Variants in SHROOM4 observed in about 807,000 individuals in gnomAD.
The protein encoded by SHROOM4 is protein Shroom4.
SHROOM4 carries 17 observed loss-of-function variants against 80.3 expected under a neutral mutation model. That is an observed-to-expected ratio of 0.21 (90% confidence interval 0.14 to 0.32). SHROOM4 has a LOEUF of 0.32. Ranked by LOEUF, SHROOM4 falls within the 10% of genes least tolerant of loss-of-function variation. SHROOM4 has a pLI of 1.00. For synonymous variants in SHROOM4, 400 were observed against 437.5 expected (o/e 0.91, Z 1.07); for missense variants, 993 against 1,140.3 (o/e 0.87, Z 1.86).
At chrX:50,757,857 G>C (rs1458511947) in intron 1 of SHROOM4, among the ~76,000 whole-genome samples, 1 of 109,290 alleles carries the variant, frequency 9.1e-6, no homozygotes, top group African/African-American at 3.3e-5. Context: ...GATTTTTCTA[G>C]GGATTGTATT....
chrX:50,654,053 G>T (rs1932217456), intron 2 of SHROOM4, among the ~76,000 whole-genome samples: 1 of 111,876 alleles, frequency 8.9e-6, no homozygotes. Context: ...CTTGTGGGGT[G>T]CTGCTTTCCA....
intron 2 of SHROOM4, among the ~76,000 whole-genome samples, chrX:50,681,208 C>G (rs1932934769): frequency 9.0e-6 from 1 of 111,408 alleles, no homozygotes; most frequent in African/African-American, 3.3e-5. Context: ...GTTTCCCATA[C>G]AGCAGCCACG....
rs1400665842 is a variant in SHROOM4, at chrX:50,587,771, C to A, written c.*8924G>T. On this transcript the variant is annotated 3_prime_UTR_variant, in exon 9 of 9. Transcript: ENST00000376020. Reference sequence around the variant, plus strand: ...TTGAATGAATGAATGGCATTGCACACTTACAATCTATTTTGTTTAACTTAC... The same window carrying A: ...TTGAATGAATGAATGGCATTGCACAATTACAATCTATTTTGTTTAACTTAC... Among the ~76,000 whole-genome samples, 1 of 112,269 alleles carries A rather than the reference C, an allele frequency of 8.9e-6. No individual in the cohort carries two copies. Among genetic ancestry groups the A allele is most frequent in the Non-Finnish European group, 1.9e-5 (1 of 53,230 alleles).
chrX:50,802,779 G>T (rs1386900375), intron 1 of SHROOM4, among the ~76,000 whole-genome samples: 1 of 111,373 alleles, frequency 9.0e-6, no homozygotes, highest in Non-Finnish European at 1.9e-5. Context: ...CCACAAAATG[G>T]CTACCTACTT....
chrX:50,618,381 T>C (rs1557251271), intron 5 of SHROOM4, among the ~76,000 whole-genome samples: 32 of 57,154 alleles, frequency 5.6e-4, no homozygotes, highest in African/African-American at 2.4e-3. Flanking sequence ...CCTTCCTTCC[T>C]TCCTTCCTTC....
chrX:50,629,023 C>A (rs1198843174), intron 4 of SHROOM4, among the ~76,000 whole-genome samples: 1 of 111,841 alleles, frequency 8.9e-6, no homozygotes, highest in Non-Finnish European at 1.9e-5. Flanking sequence ...CAGTGGGGGC[C>A]AGGATTTCCT....
At chrX:50,597,959 C>T (rs1025548692) in intron 8 of SHROOM4, among the ~76,000 whole-genome samples, 17 of 111,421 alleles carry the variant, frequency 1.5e-4, no homozygotes, top group African/African-American at 5.2e-4. Context: ...CCACCTCAGC[C>T]TCCGGAGTAG....
intron 2 of SHROOM4, among the ~76,000 whole-genome samples, chrX:50,671,365 T>C (rs1277348301): frequency 1.8e-5 from 2 of 112,008 alleles, no homozygotes; most frequent in African/African-American, 6.5e-5. Context: ...TGAATTCTCG[T>C]TTTTAGCTAT....
At chrX:50,695,986 C>T (rs1933358812) in intron 1 of SHROOM4, 49 bp from the exon 2 acceptor site, 1 of 1,191,135 alleles carries the variant, frequency 8.4e-7, no homozygotes, top group Non-Finnish European at 1.1e-6. Context: ...ATGACTTTCT[C>T]CCCAAAATTC....
intron 2 of SHROOM4, among the ~76,000 whole-genome samples, chrX:50,646,319 G>T (rs1557257892): frequency 9.0e-6 from 1 of 111,257 alleles, no homozygotes; most frequent in Admixed American, 9.5e-5. Flanking sequence ...CATTCTGGCA[G>T]GCTCAGCAGG....
In SHROOM4 at chrX:50,661,207, G is replaced by T. The variant is rs1379310728; in HGVS notation, c.270-22899C>A. On this transcript the variant is annotated intron_variant, in intron 2 of 8. Coordinates refer to ENST00000376020, the MANE Select transcript of SHROOM4 (RefSeq NM_020717.5). ...TATGGCTTCCAGGTTTTTTTGTTTGGTTGGTTGTTTTTTGTTTTTGTTTTT... is the reference window on the plus strand; with the variant it reads ...TATGGCTTCCAGGTTTTTTTGTTTGTTTGGTTGTTTTTTGTTTTTGTTTTT... Among the ~76,000 whole-genome samples, 3 of 110,470 alleles carry T rather than the reference G, an allele frequency of 2.7e-5. No individual in the cohort carries two copies. In the South Asian group the frequency reaches 1.2e-3, roughly 43 times the overall value.
intron 2 of SHROOM4, among the ~76,000 whole-genome samples, chrX:50,684,175 T>C (rs1437991402): frequency 3.6e-5 from 4 of 111,776 alleles, no homozygotes; most frequent in African/African-American, 1.3e-4. Context: ...TTAGTTATTA[T>C]GAAATCATAC....
intron 2 of SHROOM4, among the ~76,000 whole-genome samples, chrX:50,639,110 T>A (rs1931487809): frequency 8.9e-6 from 1 of 112,800 alleles, no homozygotes; most frequent in Admixed American, 9.3e-5. Context: ...TGACTCTGAA[T>A]ACAGCCACAA....
At position 50,738,748 on chromosome X, in the gene SHROOM4, T is replaced by C. The variant is rs1934566813; in HGVS notation, c.118-42811A>G. Among the ~76,000 whole-genome samples the C allele has an allele frequency of 3.6e-5, 4 of 111,621 alleles. No individual in the cohort carries two copies. In the Admixed American group the frequency reaches 3.8e-4, roughly 11 times the overall value. On this transcript the variant is annotated intron_variant, in intron 1 of 8. Transcript: ENST00000376020. Reference sequence around the variant, plus strand: ...AGAATCAATATCGTGAAAATGGCCGTACTGCCCAAGGTAATTTATAGATTC... The same window carrying C: ...AGAATCAATATCGTGAAAATGGCCGCACTGCCCAAGGTAATTTATAGATTC...
chrX:50,687,411 C>G (rs1933105282), intron 2 of SHROOM4, among the ~76,000 whole-genome samples: 2 of 110,577 alleles, frequency 1.8e-5, no homozygotes, highest in Non-Finnish European at 3.8e-5. Context: ...TTTACCCCAC[C>G]TCTGTTTTAT....
At position 50,783,732 on chromosome X, in the gene SHROOM4, T is replaced by C. The variant is rs1467649289; in HGVS notation, c.117+30170A>G. Among the ~76,000 whole-genome samples, 3 of 111,238 alleles carry C rather than the reference T, an allele frequency of 2.7e-5. No individual in the cohort carries two copies. The Admixed American group carries it at 2.9e-4, about 11-fold the overall frequency. ...CTGGGACTACAGGCATGTACCACCA[T>C]GCACAGCCAATTTTTGTATTTTTAG... On this transcript the variant is annotated intron_variant, in intron 1 of 8. Transcript: ENST00000376020.
At chrX:50,663,612 T>C (rs1932588947) in intron 2 of SHROOM4, among the ~76,000 whole-genome samples, 1 of 110,729 alleles carries the variant, frequency 9.0e-6, no homozygotes, top group South Asian at 3.8e-4. Flanking sequence ...TATCTCTCAC[T>C]GATCCCCTAT....
rs1193609334 is a variant in SHROOM4, at chrX:50,587,305, C to T, written c.*9390G>A. Among the ~76,000 whole-genome samples, 1 of 111,719 alleles carries T rather than the reference C, an allele frequency of 9.0e-6. No individual in the cohort carries two copies. The highest frequency in any genetic ancestry group is 1.9e-5 in the Non-Finnish European group (1 of 53,070). ...TTGTTGGTGGGAATGTAAATTAGTACCCCATTTTGGAAAATAGTGTATATT... is the reference window on the plus strand; with the variant it reads ...TTGTTGGTGGGAATGTAAATTAGTATCCCATTTTGGAAAATAGTGTATATT... On this transcript the variant is annotated 3_prime_UTR_variant, in exon 9 of 9. Coordinates refer to ENST00000376020, the MANE Select transcript of SHROOM4 (RefSeq NM_020717.5).
At chrX:50,770,483 G>C (rs1602501001) in intron 1 of SHROOM4, among the ~76,000 whole-genome samples, 1 of 112,093 alleles carries the variant, frequency 8.9e-6, no homozygotes, top group East Asian at 2.8e-4. Context: ...GGTTTGCTGG[G>C]ACAGGAAAGA....
Sources: gnomAD v4.1 joint callset for allele counts (sites outside exome capture counted in the v4.1 genomes callset) on GRCh38, gnomAD v4.1.1 for gene constraint, MANE v1.5 for transcripts, NCBI Gene and HGNC (gene_info 2026-07-23, HGNC 2026-07-21) for gene names.